The following DLG2 variants were observed in gnomAD, a reference collection of about 807,000 sequenced individuals.
DLG2 encodes the protein disks large homolog 2.
In DLG2, 45 loss-of-function variants were observed where a neutral mutation model predicts 132.5. The observed-to-expected ratio is 0.34, with a 90% confidence interval of 0.27 to 0.44. The LOEUF (loss-of-function observed/expected upper bound fraction) is 0.44, where lower values mean the gene tolerates loss of function less well. Ranked by LOEUF, DLG2 falls within the 20% of genes least tolerant of loss-of-function variation. DLG2 has a pLI of 1.00. For synonymous variants in DLG2, 424 were observed against 419.6 expected (o/e 1.01, Z -0.13); for missense variants, 1,045 against 1,196.9 (o/e 0.87, Z 1.87).
At chr11:83,898,453 G>A (rs1565551472) in intron 15 of DLG2, among the ~76,000 whole-genome samples, 1 of 151,824 alleles carries the variant, frequency 6.6e-6, no homozygotes, top group African/African-American at 2.4e-5. Flanking sequence ...AAGTCATAAC[G>A]ACATTTTCTT....
chr11:85,298,879 A>T (rs1186765620), intron 3 of DLG2, among the ~76,000 whole-genome samples: 1 of 152,200 alleles, frequency 6.6e-6, no homozygotes, highest in East Asian at 1.9e-4. Context: ...CATATGGGTC[A>T]AGAGACTTTT....
In DLG2 at chr11:83,906,255, TCTCACA is replaced by T. The variant is rs1428356867; in HGVS notation, c.1496+24067_1496+24072del. On this transcript the variant is annotated intron_variant, in intron 15 of 27. Coordinates refer to ENST00000376104, the MANE Select transcript of DLG2 (RefSeq NM_001142699.3). ...ATGTCTCTCTCTCTCTCTCTCTCTCTCTCACACACACACACACACACACACACACAC... is the reference window on the plus strand; with the variant it reads ...ATGTCTCTCTCTCTCTCTCTCTCTCTCACACACACACACACACACACACAC... Among the ~76,000 whole-genome samples, 145 of 96,938 alleles carry T rather than the reference TCTCACA, an allele frequency of 1.5e-3. 2 individuals are homozygous for T. Among genetic ancestry groups the T allele is most frequent in the East Asian group, 0.013 (54 of 4,150 alleles). 63.6% of individuals were successfully genotyped at this position (96,938 alleles called of 152,430 possible).
At chr11:83,575,568 C>T (rs918739256) in intron 19 of DLG2, among the ~76,000 whole-genome samples, 3 of 152,116 alleles carry the variant, frequency 2.0e-5, no homozygotes, top group Non-Finnish European at 2.9e-5. Context: ...GAGAAAGAAC[C>T]ATTTTGAAGG....
chr11:85,453,256 T>A (rs2092311858), intron 3 of DLG2: 2 of 342,492 alleles, frequency 5.8e-6, no homozygotes, highest in Non-Finnish European at 1.1e-5. Context: ...AACACTTGTG[T>A]CAATAATCTT....
chr11:84,668,873 C>T (rs2099702676), intron 6 of DLG2, among the ~76,000 whole-genome samples: 1 of 152,058 alleles, frequency 6.6e-6, no homozygotes, highest in East Asian at 1.9e-4. Flanking sequence ...AAAAACAAAC[C>T]ATTATCATTT....
intron 11 of DLG2, among the ~76,000 whole-genome samples, chr11:83,982,445 T>C (rs749406670): frequency 3.3e-5 from 5 of 150,092 alleles, no homozygotes; most frequent in Non-Finnish European, 7.4e-5. Context: ...AATGTGTGTG[T>C]TTGTGTCTTC....
intron 2 of DLG2, among the ~76,000 whole-genome samples, chr11:85,613,500 T>A (rs973820416): frequency 2.6e-5 from 4 of 152,134 alleles, no homozygotes; most frequent in African/African-American, 9.7e-5. Context: ...CTGTGTCAGG[T>A]GGGGACTTGG....
chr11:84,694,173 C>T (rs1349702482), intron 6 of DLG2, among the ~76,000 whole-genome samples: 1 of 151,556 alleles, frequency 6.6e-6, no homozygotes, highest in Non-Finnish European at 1.5e-5. Flanking sequence ...GGAAGGAAGA[C>T]TTGATCTGGT....
chr11:84,965,299 G>A (rs893783488), intron 6 of DLG2, among the ~76,000 whole-genome samples: 2 of 151,820 alleles, frequency 1.3e-5, no homozygotes, highest in Admixed American at 6.6e-5. Flanking sequence ...GTGTGTGCAC[G>A]GTTTTAAACT....
At chr11:84,913,402 C>T (rs1389106168) in intron 6 of DLG2, among the ~76,000 whole-genome samples, 2 of 152,150 alleles carry the variant, frequency 1.3e-5, no homozygotes, top group Non-Finnish European at 2.9e-5. Context: ...CAAAGCTATT[C>T]CAAGGTTACA....
At chr11:85,334,592 C>T (rs997658579) in intron 3 of DLG2, among the ~76,000 whole-genome samples, 10 of 152,154 alleles carry the variant, frequency 6.6e-5, no homozygotes, top group African/African-American at 2.4e-4. Flanking sequence ...CCTCTTAACA[C>T]TGCTTTAGCT....
chr11:83,684,687 T>C (rs1286325890), intron 18 of DLG2, among the ~76,000 whole-genome samples: 2 of 152,232 alleles, frequency 1.3e-5, no homozygotes, highest in East Asian at 1.9e-4. Flanking sequence ...GAAGTAGGTA[T>C]CCACTTATTA....
At chr11:83,808,030 C>A (rs574623579) in intron 17 of DLG2, among the ~76,000 whole-genome samples, 24 of 152,264 alleles carry the variant, frequency 1.6e-4, no homozygotes, top group African/African-American at 5.5e-4. Context: ...GCTCCCCACG[C>A]ATACACATTC....
At chr11:83,485,693 C>T (rs1032398595) in intron 21 of DLG2, among the ~76,000 whole-genome samples, 1 of 152,142 alleles carries the variant, frequency 6.6e-6, no homozygotes, top group Non-Finnish European at 1.5e-5. Flanking sequence ...TGTCCCATTG[C>T]TGGGAATGAG....
intron 3 of DLG2, among the ~76,000 whole-genome samples, chr11:85,548,869 T>C (rs1159137446): frequency 6.6e-6 from 1 of 152,106 alleles, no homozygotes; most frequent in Non-Finnish European, 1.5e-5. Context: ...CGGGTCAAGC[T>C]CAGACTGCTG....
intron 5 of DLG2, among the ~76,000 whole-genome samples, chr11:85,119,435 A>T (rs1257364274): frequency 6.6e-6 from 1 of 152,068 alleles, no homozygotes; most frequent in Non-Finnish European, 1.5e-5. Context: ...TAAATACAAG[A>T]TTTAAAAGCA....
At position 84,943,263 on chromosome 11, in the gene DLG2, G is replaced by A. The variant is rs113610626; in HGVS notation, c.357+168398C>T. Among the ~76,000 whole-genome samples, 69 of 150,888 alleles carry A rather than the reference G, an allele frequency of 4.6e-4. No individual in the cohort carries two copies. The South Asian group carries it at 4.9e-3, about 11-fold the overall frequency. ...TTTTGTCCACTTACATTCAACATTC[G>A]TAGTGATAAGTGAAGGCTTATTCCT... On this transcript the variant is annotated intron_variant, in intron 6 of 27. Transcript: ENST00000376104.
chr11:84,708,848 C>G (rs143547618), intron 6 of DLG2, among the ~76,000 whole-genome samples: 3 of 151,876 alleles, frequency 2.0e-5, no homozygotes, highest in Non-Finnish European at 4.4e-5. Context: ...AGGAATTAGG[C>G]AGGCCTGCAG....
intron 5 of DLG2, among the ~76,000 whole-genome samples, chr11:85,113,341 A>G (rs1468156107): frequency 6.6e-6 from 1 of 152,052 alleles, no homozygotes; most frequent in Non-Finnish European, 1.5e-5. Flanking sequence ...TACTAATGAG[A>G]ACACACAACA....
Sources: gnomAD v4.1 joint callset for allele counts (sites outside exome capture counted in the v4.1 genomes callset) on GRCh38, gnomAD v4.1.1 for gene constraint, MANE v1.5 for transcripts, NCBI Gene and HGNC (gene_info 2026-07-23, HGNC 2026-07-21) for gene names.